Variants in PDZRN4 observed in about 807,000 individuals in gnomAD.
PDZRN4 encodes PDZ domain-containing RING finger protein 4.
In PDZRN4, 70 loss-of-function variants were observed where a neutral mutation model predicts 99.0. The ratio of observed to expected loss-of-function variants is 0.71; its 90% CI spans 0.58 to 0.86. The LOEUF is 0.86. Ranked by LOEUF, PDZRN4 falls within the 40% of genes least tolerant of loss-of-function variation. PDZRN4 has a pLI of 0.00. For missense variants in PDZRN4, 1,474 were observed against 1,331.2 expected (o/e 1.11, Z -1.67); for synonymous variants, 551 against 501.6 (o/e 1.10, Z -1.32).
intron 3 of PDZRN4, among the ~76,000 whole-genome samples, chr12:41,254,506 G>A (rs1459862757): frequency 6.6e-6 from 1 of 152,206 alleles, no homozygotes. Flanking sequence ...TTGATATTTA[G>A]TGTTGTTTGA....
At chr12:41,192,329 A>C (rs1950740669) in intron 2 of PDZRN4, among the ~76,000 whole-genome samples, 1 of 152,002 alleles carries the variant, frequency 6.6e-6, no homozygotes, top group South Asian at 2.1e-4. Context: ...TCGAACTCCT[A>C]ATCTCAAGTG....
intron 5 of PDZRN4, among the ~76,000 whole-genome samples, chr12:41,513,292 G>A (rs1424212656): frequency 2.0e-5 from 3 of 151,946 alleles, no homozygotes; most frequent in African/African-American, 7.3e-5. Context: ...TGGTGTGTTA[G>A]GAACCTCTAT....
chr12:41,433,334 G>A (rs945659732), intron 3 of PDZRN4, among the ~76,000 whole-genome samples: 8 of 152,118 alleles, frequency 5.3e-5, no homozygotes, highest in Non-Finnish European at 8.8e-5. Flanking sequence ...AGAATTTGTC[G>A]TTGGAAAACT....
chr12:41,526,620 T>C (rs377269239), intron 5 of PDZRN4, among the ~76,000 whole-genome samples: 3 of 152,170 alleles, frequency 2.0e-5, no homozygotes, highest in South Asian at 2.1e-4. Context: ...ATTTATAAAA[T>C]ACTTGTTTTT....
intron 3 of PDZRN4, among the ~76,000 whole-genome samples, chr12:41,440,527 C>T (rs1952669914): frequency 6.6e-6 from 1 of 151,924 alleles, no homozygotes; most frequent in Non-Finnish European, 1.5e-5. Flanking sequence ...CAGAATGGTG[C>T]GCTTAGGTGT....
intron 3 of PDZRN4, among the ~76,000 whole-genome samples, chr12:41,393,420 T>G (rs892411706): frequency 6.6e-6 from 1 of 152,134 alleles, no homozygotes; most frequent in Admixed American, 6.6e-5. Context: ...AATGGTAGGA[T>G]GCTGATGCCT....
intron 3 of PDZRN4, among the ~76,000 whole-genome samples, chr12:41,410,238 T>C (rs1044671942): frequency 3.3e-5 from 5 of 152,228 alleles, no homozygotes; most frequent in Admixed American, 3.3e-4. Flanking sequence ...GGCATGGTCA[T>C]GTCTCGCCTT....
At chr12:41,266,736 C>A (rs1486750724) in intron 3 of PDZRN4, among the ~76,000 whole-genome samples, 1 of 151,970 alleles carries the variant, frequency 6.6e-6, no homozygotes, top group East Asian at 1.9e-4. Context: ...GTGTAAATAT[C>A]CAGAATATGT....
intron 3 of PDZRN4, among the ~76,000 whole-genome samples, chr12:41,244,715 T>G (rs1250218151): frequency 1.4e-5 from 2 of 141,350 alleles, no homozygotes; most frequent in Non-Finnish European, 3.0e-5. Context: ...TCTCGCTCTG[T>G]CGCCCAGGCC....
chr12:41,458,069 G>A (rs1418585350), intron 3 of PDZRN4, among the ~76,000 whole-genome samples: 1 of 152,140 alleles, frequency 6.6e-6, no homozygotes, highest in Admixed American at 6.5e-5. Flanking sequence ...GACAGATGAG[G>A]GTGTAGCATT....
intron 3 of PDZRN4, among the ~76,000 whole-genome samples, chr12:41,328,704 T>C (rs1459631220): frequency 6.6e-6 from 1 of 152,184 alleles, no homozygotes; most frequent in Non-Finnish European, 1.5e-5. Context: ...CTTTCACTGA[T>C]AGACTTAATA....
intron 3 of PDZRN4, among the ~76,000 whole-genome samples, chr12:41,361,649 C>G (rs1180887063): frequency 6.6e-6 from 1 of 151,938 alleles, no homozygotes; most frequent in Admixed American, 6.6e-5. Flanking sequence ...AAAAAAGAAG[C>G]AAGGAATACA....
chr12:41,250,596 G>T (rs1362533281), intron 3 of PDZRN4, among the ~76,000 whole-genome samples: 1 of 152,132 alleles, frequency 6.6e-6, no homozygotes, highest in East Asian at 1.9e-4. Context: ...ATTAACTGGA[G>T]AAAAATGGGT....
At chr12:41,338,383 A>G (rs1443070379) in intron 3 of PDZRN4, among the ~76,000 whole-genome samples, 1 of 152,102 alleles carries the variant, frequency 6.6e-6, no homozygotes, top group African/African-American at 2.4e-5. Context: ...TGGATTTTTA[A>G]CAGAATGTCA....
chr12:41,188,623 C>T lies in PDZRN4; in HGVS notation c.168C>T (p.Cys56=). 1.3e-6 allele frequency: 2 copies of T among 1,539,916 alleles called. No individual in the cohort carries two copies. Among genetic ancestry groups the T allele is most frequent in the Non-Finnish European group, 1.7e-6 (2 of 1,149,754 alleles). Residue 56 remains cysteine, a synonymous_variant, in exon 1 of 10, where the codon TGC becomes TGT. Coordinates refer to ENST00000402685, the MANE Select transcript of PDZRN4 (RefSeq NM_001164595.2). The part of the protein sequence containing the change: ...AVRRRRCPLQ[C]QPLAPGELYR... Reference sequence around the variant, plus strand: ...GGAGGCGCCGGTGCCCGCTGCAGTGCCAGCCCTTGGCGCCCGGCGAGCTGT... The same window carrying T: ...GGAGGCGCCGGTGCCCGCTGCAGTGTCAGCCCTTGGCGCCCGGCGAGCTGT...
At chr12:41,226,618 C>G (rs1304231878) in intron 3 of PDZRN4, among the ~76,000 whole-genome samples, 1 of 151,898 alleles carries the variant, frequency 6.6e-6, no homozygotes, top group Non-Finnish European at 1.5e-5. Flanking sequence ...AAGCACAGAT[C>G]CTCCCGATTT....
At chr12:41,431,992 T>C (rs746296976) in intron 3 of PDZRN4, among the ~76,000 whole-genome samples, 5 of 152,370 alleles carry the variant, frequency 3.3e-5, no homozygotes, top group South Asian at 2.1e-4. Flanking sequence ...TAATGATTTC[T>C]GTATTAATAA....
chr12:41,477,931 C>T (rs1937619358), intron 3 of PDZRN4: 2 of 1,495,028 alleles, frequency 1.3e-6, no homozygotes, highest in Non-Finnish European at 1.8e-6. Context: ...GTAAGTATGG[C>T]ATTAAATTTA....
intron 3 of PDZRN4, among the ~76,000 whole-genome samples, chr12:41,360,161 T>C (rs553102733): frequency 9.2e-5 from 14 of 152,110 alleles, no homozygotes; most frequent in African/African-American, 3.4e-4. Flanking sequence ...TCCTCCATAA[T>C]ACCTAGCTAT....
Sources: allele counts gnomAD v4.1 joint callset (sites outside exome capture counted in the v4.1 genomes callset), GRCh38; gene constraint gnomAD v4.1.1; transcripts MANE v1.5; gene names NCBI Gene and HGNC (gene_info 2026-07-23, HGNC 2026-07-21).